Variants in LARP1B observed in about 807,000 individuals in gnomAD.
LARP1B encodes La ribonucleoprotein 1B.
In LARP1B, 76 loss-of-function variants were observed where a neutral mutation model predicts 114.2. The ratio of observed to expected loss-of-function variants is 0.67; its 90% CI spans 0.55 to 0.81. LARP1B has a LOEUF of 0.81. Ranked by LOEUF, LARP1B falls within the 30% of genes least tolerant of loss-of-function variation. LARP1B has a pLI of 0.00. For missense variants in LARP1B, 1,014 were observed against 1,075.8 expected (o/e 0.94, Z 0.80); for synonymous variants, 345 against 348.0 (o/e 0.99, Z 0.10).
chr4:128,082,399 A>G, intron 5 of LARP1B, 94 bp downstream of exon 5: 1 of 1,138,960 alleles, frequency 8.8e-7, no homozygotes, highest in East Asian at 2.4e-5. Context: ...ATTTGAGAAT[A>G]AGTTGAAGAC....
chr4:128,144,789 T>C (rs1420814178), intron 11 of LARP1B, among the ~76,000 whole-genome samples: 3 of 152,196 alleles, frequency 2.0e-5, no homozygotes, highest in Non-Finnish European at 4.4e-5. Context: ...TTTTATAGTT[T>C]GCATTTTTTG....
At chr4:128,184,375 T>C (rs1432248759) in intron 15 of LARP1B, among the ~76,000 whole-genome samples, 2 of 152,156 alleles carry the variant, frequency 1.3e-5, no homozygotes, top group Non-Finnish European at 2.9e-5. Context: ...GCAAAAAGAC[T>C]ATGACTTGCT....
intron 11 of LARP1B, among the ~76,000 whole-genome samples, chr4:128,138,458 C>T (rs1190009566): frequency 2.0e-5 from 3 of 152,076 alleles, no homozygotes; most frequent in Non-Finnish European, 2.9e-5. Flanking sequence ...ATTTTATTAA[C>T]ATATCTTTTT....
At chr4:128,150,653 C>T (rs1188932331) in intron 11 of LARP1B, among the ~76,000 whole-genome samples, 2 of 151,754 alleles carry the variant, frequency 1.3e-5, no homozygotes, top group African/African-American at 4.8e-5. Context: ...TGCTTGAACC[C>T]GAGAAGCAGA....
chr4:128,068,766 T>C (rs2149323477), intron 1 of LARP1B, among the ~76,000 whole-genome samples: 1 of 152,238 alleles, frequency 6.6e-6, no homozygotes, highest in Admixed American at 6.5e-5. Context: ...TATCACACAG[T>C]ATGTTTTATA....
At chr4:128,168,860 T>G (rs1025651242) in intron 12 of LARP1B, among the ~76,000 whole-genome samples, 2 of 152,120 alleles carry the variant, frequency 1.3e-5, no homozygotes, top group African/African-American at 4.8e-5. Context: ...GTGTTCCTTC[T>G]TTTGTATTTT....
At position 128,091,468 on chromosome 4, in the gene LARP1B, T is replaced by G. The variant is rs1775888903; in HGVS notation, c.624T>G (p.Tyr208Ter). 6.2e-7 allele frequency: 1 copy of G among 1,609,494 alleles called. No individual in the cohort carries two copies. The highest frequency in any genetic ancestry group is 2.2e-5 in the East Asian group (1 of 44,832). The change falls in exon 7 of 20, where the codon TAT becomes TAG. Residue 208 changes from tyrosine to a stop codon, truncating the protein, a stop_gained. Transcript: ENST00000326639. LOFTEE classifies it high-confidence loss of function. Reference protein sequence around the residue: ...YYDDGTGVQVYPVEEALLKEY... With the variant: ...YYDDGTGVQV ...ATGATGGTACAGGTGTACAGGTGTA[T>G]CCTGTGGAAGAAGCATTGCTTAAAG...
chr4:128,114,182 T>C (rs1281292048), intron 9 of LARP1B, among the ~76,000 whole-genome samples: 1 of 152,206 alleles, frequency 6.6e-6, no homozygotes, highest in Admixed American at 6.6e-5. Context: ...AGATGTGCAT[T>C]TAGCTTAACT....
chr4:128,151,962 T>C (rs1732994183), intron 11 of LARP1B, among the ~76,000 whole-genome samples: 1 of 152,146 alleles, frequency 6.6e-6, no homozygotes, highest in South Asian at 2.1e-4. Context: ...TAGTATATGC[T>C]CTCCAGAGAC....
In LARP1B at chr4:128,094,400, CTTTTTTTT is replaced by C. The variant is rs776529101; in HGVS notation, c.668+2899_668+2906del. Among the ~76,000 whole-genome samples, 23 of 128,752 alleles carry C rather than the reference CTTTTTTTT, an allele frequency of 1.8e-4. 1 individual carries two copies. The highest frequency in any genetic ancestry group is 4.0e-3 in the Middle Eastern group (1 of 248). 84.5% of individuals were successfully genotyped at this position (128,752 alleles called of 152,430 possible). A position where few individuals can be genotyped will look rare whatever the true frequency, so the allele number is the denominator to read the frequency against. ...TTTTTCCTTTTTTCTTTTTCTTTTT[CTTTTTTTT>C]TTTTTTTTTTGAGACATTGTCTCAC... is the stretch of plus-strand genomic sequence containing the variant. On this transcript the variant is annotated intron_variant, in intron 7 of 19. Transcript: ENST00000326639.
At chr4:128,158,291 A>C (rs1736785288) in intron 11 of LARP1B, among the ~76,000 whole-genome samples, 1 of 152,214 alleles carries the variant, frequency 6.6e-6, no homozygotes, top group Non-Finnish European at 1.5e-5. Context: ...AGGTTATACA[A>C]AATGTGAATG....
At chr4:128,111,653 T>C (rs1485609233) in intron 9 of LARP1B, among the ~76,000 whole-genome samples, 6 of 151,862 alleles carry the variant, frequency 4.0e-5, no homozygotes, top group Admixed American at 3.3e-4. Flanking sequence ...TAGTGAGCTA[T>C]GATCATGGCA....
rs1229007025 is a variant in LARP1B, at chr4:128,176,972, G to T, written c.1684+65G>T. On this transcript the variant is annotated intron_variant, in intron 13 of 19. Transcript: ENST00000326639. ...CCTTTGCATTGGGTATACAAAAGATGCAGGAAAGGGACTTTCAGACAGAAG... is the reference window on the plus strand; with the variant it reads ...CCTTTGCATTGGGTATACAAAAGATTCAGGAAAGGGACTTTCAGACAGAAG... 2.9e-6 allele frequency: 4 copies of T among 1,356,614 alleles called. No individual in the cohort carries two copies. In the Admixed American group the frequency reaches 6.7e-5, roughly 23 times the overall value. The allele number at this position is 1,356,614 out of a possible 1,614,324, so 84.0% of individuals were successfully genotyped here.
intron 1 of LARP1B, among the ~76,000 whole-genome samples, chr4:128,066,716 G>T (rs1229512739): frequency 1.3e-5 from 2 of 151,640 alleles, no homozygotes; most frequent in African/African-American, 4.9e-5. Context: ...GACCTCAGGT[G>T]ATCCTCCCAC....
chr4:128,140,172 A>G (rs750880905), intron 11 of LARP1B, among the ~76,000 whole-genome samples: 9 of 152,212 alleles, frequency 5.9e-5, no homozygotes, highest in Non-Finnish European at 1.3e-4. Flanking sequence ...TTAAGATTAC[A>G]TTGTGTTTGT....
chr4:128,063,197 C>T (rs1181117969), intron 1 of LARP1B, among the ~76,000 whole-genome samples: 3 of 151,398 alleles, frequency 2.0e-5, no homozygotes, highest in Admixed American at 6.6e-5. Flanking sequence ...GAGGCCGAGG[C>T]GGGCGGATCA....
chr4:128,095,132 C>G (rs1232050090), intron 7 of LARP1B, among the ~76,000 whole-genome samples: 2 of 152,052 alleles, frequency 1.3e-5, no homozygotes, highest in Non-Finnish European at 2.9e-5. Flanking sequence ...GGTGTAACAA[C>G]CATCAGAATC....
intron 10 of LARP1B, among the ~76,000 whole-genome samples, chr4:128,117,851 C>T (rs903535911): frequency 3.3e-5 from 5 of 151,858 alleles, no homozygotes; most frequent in Non-Finnish European, 7.4e-5. Context: ...ATTTCTTCAT[C>T]CCCAGCTCTT....
intron 12 of LARP1B, among the ~76,000 whole-genome samples, chr4:128,170,525 A>G (rs1412823349): frequency 6.6e-6 from 1 of 152,008 alleles, no homozygotes; most frequent in African/African-American, 2.4e-5. Flanking sequence ...TTGTTAGTTC[A>G]CCTTATACCC....
Sources: gnomAD v4.1 joint callset for allele counts (sites outside exome capture counted in the v4.1 genomes callset) on GRCh38, gnomAD v4.1.1 for gene constraint, MANE v1.5 for transcripts, NCBI Gene and HGNC (gene_info 2026-07-23, HGNC 2026-07-21) for gene names.